BTBD9: variants seen among roughly 807,000 people sequenced by gnomAD.
The protein encoded by BTBD9 is BTB/POZ domain-containing protein 9.
BTBD9 carries 49 observed loss-of-function variants against 64.3 expected under a neutral mutation model. The ratio of observed to expected loss-of-function variants is 0.76; its 90% CI spans 0.61 to 0.97. BTBD9 has a LOEUF of 0.97. Ranked by LOEUF, BTBD9 falls within the 50% of genes least tolerant of loss-of-function variation. The pLI, the probability that BTBD9 is intolerant of heterozygous loss-of-function variation, is 0.00. For missense variants in BTBD9, 598 were observed against 762.1 expected (o/e 0.78, Z 2.53); for synonymous variants, 260 against 274.7 (o/e 0.95, Z 0.53).
intron 1 of BTBD9, among the ~76,000 whole-genome samples, chr6:38,628,787 G>A (rs1368177659): frequency 6.6e-6 from 1 of 152,090 alleles, no homozygotes; most frequent in African/African-American, 2.4e-5. Flanking sequence ...GGGCCTAGAA[G>A]CAATGATACC....
At chr6:38,214,684 T>C (rs1762954553) in intron 9 of BTBD9, among the ~76,000 whole-genome samples, 1 of 152,146 alleles carries the variant, frequency 6.6e-6, no homozygotes, top group African/African-American at 2.4e-5. Context: ...AACCCATATT[T>C]TGCCAGCCTG....
chr6:38,602,410 C>T (rs528996441), intron 1 of BTBD9, among the ~76,000 whole-genome samples: 1 of 151,160 alleles, frequency 6.6e-6, no homozygotes, highest in South Asian at 2.1e-4. Flanking sequence ...AAGTTAGATA[C>T]TAATGAACAA....
At chr6:38,629,238 T>C (rs1023499349) in intron 1 of BTBD9, among the ~76,000 whole-genome samples, 3 of 152,184 alleles carry the variant, frequency 2.0e-5, no homozygotes, top group Non-Finnish European at 4.4e-5. Flanking sequence ...CAATGAAGCC[T>C]AAAACTAGTC....
At chr6:38,480,471 C>G (rs923908997) in intron 6 of BTBD9, among the ~76,000 whole-genome samples, 4 of 152,166 alleles carry the variant, frequency 2.6e-5, no homozygotes, top group Non-Finnish European at 5.9e-5. Flanking sequence ...GTCAAATGGG[C>G]ATTGGTGGGT....
intron 7 of BTBD9, among the ~76,000 whole-genome samples, chr6:38,298,399 C>T (rs909675896): frequency 1.3e-5 from 2 of 152,100 alleles, no homozygotes; most frequent in Non-Finnish European, 2.9e-5. Context: ...AATATTTGTA[C>T]ATACTTATGG....
chr6:38,338,845 G>A (rs907628507), intron 7 of BTBD9, among the ~76,000 whole-genome samples: 2 of 152,130 alleles, frequency 1.3e-5, no homozygotes, highest in African/African-American at 4.8e-5. Context: ...AATGCAAATG[G>A]CCCTTAAACA....
intron 6 of BTBD9, among the ~76,000 whole-genome samples, chr6:38,554,589 G>A (rs752522167): frequency 1.3e-5 from 2 of 152,130 alleles, no homozygotes; most frequent in Admixed American, 6.5e-5. Flanking sequence ...TTATTAGAAC[G>A]GAGCTTGCAT....
chr6:38,507,915 G>A (rs755929856), intron 6 of BTBD9, among the ~76,000 whole-genome samples: 8 of 142,596 alleles, frequency 5.6e-5, no homozygotes, highest in African/African-American at 1.1e-4. Context: ...CTCACTTTAC[G>A]CTCCGCCTCC....
At chr6:38,313,680 T>C (rs998326747) in intron 7 of BTBD9, among the ~76,000 whole-genome samples, 6 of 152,298 alleles carry the variant, frequency 3.9e-5, no homozygotes, top group African/African-American at 1.4e-4. Context: ...ATCATGTTGA[T>C]TGATTTGCAT....
chr6:38,372,586 CT>C (rs1765470297), intron 6 of BTBD9, among the ~76,000 whole-genome samples: 2 of 152,154 alleles, frequency 1.3e-5, no homozygotes, highest in Non-Finnish European at 2.9e-5. Flanking sequence ...CAAATTAATA[CT>C]TTTCTGTGTT....
At chr6:38,313,088 G>A (rs1261707488) in intron 7 of BTBD9, among the ~76,000 whole-genome samples, 1 of 152,024 alleles carries the variant, frequency 6.6e-6, no homozygotes, top group Non-Finnish European at 1.5e-5. Context: ...TTTCACCAAT[G>A]TTTTATAGTT....
intron 6 of BTBD9, among the ~76,000 whole-genome samples, chr6:38,535,057 T>C (rs1317656374): frequency 6.6e-6 from 1 of 152,048 alleles, no homozygotes; most frequent in African/African-American, 2.4e-5. Flanking sequence ...GAGCATCCAA[T>C]TTGGAAATGA....
chr6:38,546,541 G>C (rs1383091288), intron 6 of BTBD9, among the ~76,000 whole-genome samples: 3 of 152,112 alleles, frequency 2.0e-5, no homozygotes, highest in Admixed American at 2.0e-4. Flanking sequence ...TCCATTTTGA[G>C]CAAGTATATT....
chr6:38,437,123 G>A (rs1768778335), intron 6 of BTBD9, among the ~76,000 whole-genome samples: 1 of 152,182 alleles, frequency 6.6e-6, no homozygotes, highest in South Asian at 2.1e-4. Flanking sequence ...GGCTTAAGGA[G>A]TATGAATACA....
At chr6:38,366,694 A>G (rs192779722) in intron 6 of BTBD9, among the ~76,000 whole-genome samples, 2 of 152,368 alleles carry the variant, frequency 1.3e-5, no homozygotes, top group Non-Finnish European at 2.9e-5. Context: ...GATTGGTCCC[A>G]TGAAGGAAGT....
chr6:38,620,260 A>G (rs772986340), intron 1 of BTBD9, among the ~76,000 whole-genome samples: 3 of 152,222 alleles, frequency 2.0e-5, no homozygotes, highest in Non-Finnish European at 4.4e-5. Context: ...CTCTACATTC[A>G]GTTGTACCCA....
intron 1 of BTBD9, among the ~76,000 whole-genome samples, chr6:38,628,572 G>A (rs1252898004): frequency 1.3e-5 from 2 of 152,218 alleles, no homozygotes; most frequent in Non-Finnish European, 2.9e-5. Context: ...AAACTCCGCA[G>A]TGTAGGGTTG....
chr6:38,516,254 A>G (rs1773017155), intron 6 of BTBD9, among the ~76,000 whole-genome samples: 1 of 152,184 alleles, frequency 6.6e-6, no homozygotes, highest in Non-Finnish European at 1.5e-5. Context: ...ATTATGTTAC[A>G]TGAAATAAAT....
intron 6 of BTBD9, among the ~76,000 whole-genome samples, chr6:38,375,938 A>AGAAAGAAAGAAAGAAG (rs1562098191): frequency 1.9e-5 from 2 of 104,650 alleles, no homozygotes; most frequent in East Asian, 4.0e-4. Flanking sequence ...AAAGAAAGAA[A>AGAAAGAAAGAAAGAAG]GAAGGAAAGA....
Sources: allele counts gnomAD v4.1 joint callset (sites outside exome capture counted in the v4.1 genomes callset), GRCh38; gene constraint gnomAD v4.1.1; transcripts MANE v1.5; gene names NCBI Gene and HGNC (gene_info 2026-07-23, HGNC 2026-07-21).